Variants in FBN2 observed in about 807,000 individuals in gnomAD.
The protein encoded by FBN2 is fibrillin-2.
FBN2 carries 105 observed loss-of-function variants against 355.6 expected under a neutral mutation model. The observed-to-expected ratio is 0.30, with a 90% CI of 0.25 to 0.35. The LOEUF (loss-of-function observed/expected upper bound fraction) is 0.35. Among genes scored for constraint, FBN2 ranks in the 10% least tolerant of loss-of-function variants. FBN2 has a pLI of 1.00. For synonymous variants in FBN2, 1,350 were observed against 1,301.2 expected (o/e 1.04, Z -0.81); for missense variants, 3,280 against 3,758.7 (o/e 0.87, Z 3.33).
intron 5 of FBN2, among the ~76,000 whole-genome samples, chr5:128,502,927 G>T (rs960403923): frequency 1.3e-5 from 2 of 152,074 alleles, no homozygotes; most frequent in Non-Finnish European, 2.9e-5. Flanking sequence ...GAAGTGATAG[G>T]ACAATAAATT....
At position 128,278,933 on chromosome 5, in the gene FBN2, CCTT is replaced by C. The variant is rs1765465798; in HGVS notation, c.7139-95_7139-93del. The stretch of plus-strand genomic sequence containing the variant: ...TAAGCAGGGCAGTCAAGAATTTCCT[CCTT>C]AGGAATAATTAAGACAGCTTAATGT... On this transcript the variant is annotated intron_variant, in intron 56 of 64. Coordinates refer to ENST00000262464, the MANE Select transcript of FBN2 (RefSeq NM_001999.4). 4.9e-6 allele frequency: 5 copies of C among 1,022,410 alleles called. No homozygotes were observed. In the South Asian group the frequency reaches 5.4e-5, roughly 11 times the overall value. The allele number at this position is 1,022,410 out of a possible 1,614,324, so 63.3% of individuals were successfully genotyped here.
intron 5 of FBN2, among the ~76,000 whole-genome samples, chr5:128,474,155 C>T (rs1306041450): frequency 6.6e-6 from 1 of 152,184 alleles, no homozygotes; most frequent in Non-Finnish European, 1.5e-5. Flanking sequence ...CCTAAAAGTG[C>T]ACTCTCCCAA....
chr5:128,391,058 C>T (rs1231181864), intron 11 of FBN2, among the ~76,000 whole-genome samples: 2 of 152,136 alleles, frequency 1.3e-5, no homozygotes. Context: ...ATGCATGTTA[C>T]AAAATCCACT....
At chr5:128,336,983 T>C (rs1453997079) in intron 27 of FBN2, among the ~76,000 whole-genome samples, 2 of 152,184 alleles carry the variant, frequency 1.3e-5, no homozygotes, top group Non-Finnish European at 2.9e-5. Flanking sequence ...GAAATATATA[T>C]TTTATATTCT....
intron 45 of FBN2, among the ~76,000 whole-genome samples, chr5:128,304,367 C>A (rs1581202344): frequency 6.6e-6 from 1 of 152,292 alleles, no homozygotes; most frequent in Non-Finnish European, 1.5e-5. Flanking sequence ...TCAGCAAGTA[C>A]TCACTAAGCT....
At chr5:128,372,080 T>C (rs1751959506) in intron 15 of FBN2, among the ~76,000 whole-genome samples, 1 of 152,204 alleles carries the variant, frequency 6.6e-6, no homozygotes, top group Non-Finnish European at 1.5e-5. Context: ...ATTTGCTATG[T>C]GCTAGACACC....
chr5:128,516,329 A>T (rs1756278962), intron 5 of FBN2, among the ~76,000 whole-genome samples: 2 of 152,148 alleles, frequency 1.3e-5, no homozygotes, highest in South Asian at 2.1e-4. Context: ...TATGGCCACA[A>T]ATGAGCTGTC....
intron 31 of FBN2, among the ~76,000 whole-genome samples, chr5:128,333,657 T>C (rs1750751760): frequency 6.6e-6 from 1 of 152,054 alleles, no homozygotes; most frequent in Non-Finnish European, 1.5e-5. Context: ...AGTAGCCAGA[T>C]GCTTTCGCCA....
At chr5:128,473,652 G>A (rs755117350) in intron 5 of FBN2, among the ~76,000 whole-genome samples, 12 of 152,070 alleles carry the variant, frequency 7.9e-5, no homozygotes, top group Non-Finnish European at 1.6e-4. Flanking sequence ...TGCCTTCACC[G>A]TGCTAATGAG....
At chr5:128,534,170 T>C (rs1420357749) in intron 2 of FBN2, among the ~76,000 whole-genome samples, 1 of 152,196 alleles carries the variant, frequency 6.6e-6, no homozygotes, top group Non-Finnish European at 1.5e-5. Flanking sequence ...TTGTATTTTA[T>C]TTATTTTCTT....
intron 25 of FBN2, among the ~76,000 whole-genome samples, chr5:128,343,959 C>G (rs112016595): frequency 1.3e-5 from 2 of 152,070 alleles, no homozygotes; most frequent in African/African-American, 4.8e-5. Context: ...AGCTGGATGC[C>G]GTGGCTCAAG....
chr5:128,461,086 A>G (rs1012261270), intron 6 of FBN2, among the ~76,000 whole-genome samples: 6 of 152,154 alleles, frequency 3.9e-5, no homozygotes, highest in South Asian at 2.1e-4. Flanking sequence ...ATGGGAGAAA[A>G]TTTTTGCAAT....
intron 20 of FBN2, among the ~76,000 whole-genome samples, chr5:128,351,259 T>C (rs1330536340): frequency 2.7e-5 from 4 of 150,154 alleles, no homozygotes; most frequent in African/African-American, 9.8e-5. Context: ...AAAGTTTTAA[T>C]AGTGGGGCTG....
chr5:128,344,549 T>G, intron 24 of FBN2, 39 bp from the exon 25 acceptor site: 4 of 1,605,034 alleles, frequency 2.5e-6, no homozygotes, highest in Non-Finnish European at 3.4e-6. Flanking sequence ...AGCCGGTTGA[T>G]ATAAACGATT....
chr5:128,311,382 T>A lies in FBN2; in HGVS notation c.4992A>T (p.Gly1664=). ...AGCTCCCAAAAGTGTTGATGCAGTT[T>A]CCACCCTGGCAGAGACCTGGTAACT... ...CQELPGLCQG[G]NCINTFGSFQ... is the part of the protein sequence containing the mutation. The change falls in exon 39 of 65, where the codon GGA becomes GGT. Residue 1664 remains glycine, a synonymous_variant. Coordinates refer to ENST00000262464, the MANE Select transcript of FBN2 (RefSeq NM_001999.4). The A allele has an allele frequency of 6.2e-7, 1 of 1,614,092 alleles. No individual in the cohort carries two copies. Among genetic ancestry groups the A allele is most frequent in the Non-Finnish European group, 8.5e-7 (1 of 1,179,964 alleles).
At chr5:128,322,316 T>C (rs1244577720) in intron 34 of FBN2, among the ~76,000 whole-genome samples, 2 of 152,238 alleles carry the variant, frequency 1.3e-5, no homozygotes, top group African/African-American at 2.4e-5. Context: ...ATTTTGGCTT[T>C]TGTTGCCATT....
Position 128,537,639 on chromosome 5 carries a change from G to C in FBN2, c.-36C>G, listed in dbSNP as rs754092275. The C allele has an allele frequency of 1.3e-6, 2 of 1,589,562 alleles. No homozygotes were observed. Among genetic ancestry groups the C allele is most frequent in the Non-Finnish European group, 8.6e-7 (1 of 1,166,390 alleles). ...GAAAGCGCGCGGCCGTAGACCCGCG[G>C]AGAGGGAGTGATCAAAGACAAAATC... is the stretch of plus-strand genomic sequence containing the variant. On this transcript the variant is annotated 5_prime_UTR_variant, in exon 1 of 65. Coordinates refer to ENST00000262464, the MANE Select transcript of FBN2 (RefSeq NM_001999.4).
intron 2 of FBN2, among the ~76,000 whole-genome samples, chr5:128,534,147 G>A (rs1298687660): frequency 6.6e-6 from 1 of 151,816 alleles, no homozygotes; most frequent in Non-Finnish European, 1.5e-5. Flanking sequence ...ATTAATATTT[G>A]GTTTTTATTT....
chr5:128,276,176 G>A lies in FBN2; in HGVS notation c.7472-16C>T. On this transcript the variant is annotated splice_polypyrimidine_tract_variant and intron_variant, in intron 58 of 64. Coordinates refer to ENST00000262464, the MANE Select transcript of FBN2 (RefSeq NM_001999.4). ...TCATCAAGGTCTAAGTAAAAGTGATGTGAAGATTAAATTACTGGTTAAAAG... is the reference window on the plus strand; with the variant it reads ...TCATCAAGGTCTAAGTAAAAGTGATATGAAGATTAAATTACTGGTTAAAAG... The A allele has an allele frequency of 6.2e-7, 1 of 1,612,492 alleles. No homozygotes were observed. Among genetic ancestry groups the A allele is most frequent in the South Asian group, 1.1e-5 (1 of 91,056 alleles).
Sources: allele counts gnomAD v4.1 joint callset (sites outside exome capture counted in the v4.1 genomes callset), GRCh38; gene constraint gnomAD v4.1.1; transcripts MANE v1.5; gene names NCBI Gene and HGNC (gene_info 2026-07-23, HGNC 2026-07-21).